The following ADAMTS8 variants were observed in gnomAD, a reference collection of about 807,000 sequenced individuals.
ADAMTS8 encodes A disintegrin and metalloproteinase with thrombospondin motifs 8.
In ADAMTS8, 50 loss-of-function variants were observed where a neutral mutation model predicts 64.4. That is an observed-to-expected ratio of 0.78 (90% CI 0.62 to 0.98). The LOEUF is 0.98. Ranked by LOEUF, ADAMTS8 falls within the 50% of genes least tolerant of loss-of-function variation. The pLI, the probability that ADAMTS8 is intolerant of heterozygous loss-of-function variation, is 0.00. For missense variants in ADAMTS8, 1,192 were observed against 1,208.2 expected, an observed-to-expected ratio of 0.99 and a Z score of 0.20; for synonymous variants, 556 against 533.6, an observed-to-expected ratio of 1.04 and a Z score of -0.58.
In ADAMTS8 at chr11:130,405,164, C is replaced by A; in HGVS notation, c.*394G>T. The stretch of plus-strand genomic sequence containing the variant: ...CTCCCTGCCCCACGCCTCTCTTGTA[C>A]TAATTTTTTCCCCTGTGAGGTAGAT... On this transcript the variant is annotated 3_prime_UTR_variant, in exon 9 of 9. Coordinates refer to ENST00000257359, the MANE Select transcript of ADAMTS8 (RefSeq NM_007037.6). 9.9e-7 allele frequency: 1 copy of A among 1,005,940 alleles called. No homozygotes were observed. Among genetic ancestry groups the A allele is most frequent in the Non-Finnish European group, 1.2e-6 (1 of 843,134 alleles). 62.3% of individuals were successfully genotyped at this position (1,005,940 alleles called of 1,614,324 possible).
chr11:130,427,696 G>T lies in ADAMTS8; in HGVS notation c.591C>A (p.Gly197=). 1 of 1,595,254 alleles carries T rather than the reference G, an allele frequency of 6.3e-7. No individual in the cohort carries two copies. Among genetic ancestry groups the T allele is most frequent in the Admixed American group, 1.7e-5 (1 of 58,194 alleles). The change falls in exon 1 of 9, where the codon GGC becomes GGA. Residue 197 remains glycine, a synonymous_variant. Transcript: ENST00000257359. Reference sequence around the variant, plus strand: ...CCAGGGGCGGTGGCGGCTCGCTAGCGCCTTCTGCCTCCTCTTCTTGGCTCT... The same window carrying T: ...CCAGGGGCGGTGGCGGCTCGCTAGCTCCTTCTGCCTCCTCTTCTTGGCTCT... ...EEESQEEEAE[G]ASEPPPPLGA...
At chr11:130,408,966 A>G (rs1439985884) in intron 6 of ADAMTS8, 26 bp from the exon 7 acceptor site, 1 of 1,511,806 alleles carries the variant, frequency 6.6e-7, no homozygotes, top group Non-Finnish European at 8.8e-7. Context: ...AACGGCATGG[A>G]GGTGACACCC....
chr11:130,407,480 G>GACACAC (rs771447121), intron 8 of ADAMTS8, among the ~76,000 whole-genome samples: 1 of 151,922 alleles, frequency 6.6e-6, no homozygotes, highest in African/African-American at 2.4e-5. Context: ...CAGACAGACA[G>GACACAC]ACAGACACAC....
Position 130,406,122 on chromosome 11 carries a change from G to T in ADAMTS8, c.2106C>A (p.Gly702=). The part of the protein sequence containing the change: ...VSGSLTPTNY[G]YNDIVTIPAG... ...CTGGGATGGTGACAATGTCATTGTA[G>T]CCATAACTGTGATAGAAACAGAAGG... The change falls in exon 9 of 9, where the codon GGC becomes GGA. Residue 702 remains glycine, a synonymous_variant. Coordinates refer to ENST00000257359, the MANE Select transcript of ADAMTS8 (RefSeq NM_007037.6). The T allele has an allele frequency of 6.2e-7, 1 of 1,605,712 alleles. No homozygotes were observed. Among genetic ancestry groups the T allele is most frequent in the Middle Eastern group, 1.7e-4 (1 of 6,056 alleles).
chr11:130,424,665 G>A (rs1439158379), intron 1 of ADAMTS8, among the ~76,000 whole-genome samples: 1 of 152,214 alleles, frequency 6.6e-6, no homozygotes, highest in Non-Finnish European at 1.5e-5. Flanking sequence ...CCAAGGTCTT[G>A]AGGCACGGGA....
chr11:130,406,273 C>T, intron 8 of ADAMTS8, 145 bp from the exon 9 acceptor site: 1 of 1,023,674 alleles, frequency 9.8e-7, no homozygotes, highest in Non-Finnish European at 1.4e-6. Flanking sequence ...TCAAAGTTCT[C>T]AATAAATTAG....
chr11:130,408,737 C>A (rs1378381967), intron 7 of ADAMTS8, 31 bp downstream of exon 7: 2 of 1,613,490 alleles, frequency 1.2e-6, no homozygotes, highest in Non-Finnish European at 1.7e-6. Context: ...TCCTCCCCAT[C>A]TCTGGATCTG....
At chr11:130,427,188 G>T (rs1337002178) in intron 1 of ADAMTS8, among the ~76,000 whole-genome samples, 1 of 152,248 alleles carries the variant, frequency 6.6e-6, no homozygotes, top group African/African-American at 2.4e-5. Context: ...GGAGCTATTC[G>T]TAAACGCTCA....
chr11:130,408,609 T>A lies in ADAMTS8; in HGVS notation c.1954A>T (p.Thr652Ser). The change falls in exon 8 of 9, where the codon ACA becomes TCA. Residue 652 changes from threonine (T) to serine (S), a missense_variant. Transcript: ENST00000257359. ...VIDGTLCGPE[T>S]LAICVRGQCV... Reference sequence around the variant, plus strand: ...TGGCCACGGACACAGATGGCCAGTGTTTCTGGCCCACACAGGGTGCCATCA... The same window carrying A: ...TGGCCACGGACACAGATGGCCAGTGATTCTGGCCCACACAGGGTGCCATCA... 6.2e-7 allele frequency: 1 copy of A among 1,614,128 alleles called. No individual in the cohort carries two copies. Among genetic ancestry groups the A allele is most frequent in the Non-Finnish European group, 8.5e-7 (1 of 1,180,018 alleles).
Position 130,422,115 on chromosome 11 carries a change from C to T in ADAMTS8, c.721-2823G>A, listed in dbSNP as rs535582248. The stretch of plus-strand genomic sequence containing the variant: ...GGCGGCACTTTTTAGGGAGTCTGCT[C>T]GTGCATGAGTGACCCCAGGACCTGG... On this transcript the variant is annotated intron_variant, in intron 1 of 8. Coordinates refer to ENST00000257359, the MANE Select transcript of ADAMTS8 (RefSeq NM_007037.6). Among the ~76,000 whole-genome samples, 138 of 152,242 alleles carry T rather than the reference C, an allele frequency of 9.1e-4. 4 individuals carry two copies. The South Asian group carries it at 0.013, about 14-fold the overall frequency.
Position 130,411,803 on chromosome 11 carries a change from T to A in ADAMTS8, c.1567-203A>T. ...AGCACAGAGACCAGGCTGGACTCAT[T>A]CACTACTGACTCCTCAGTGTCTAAA... On this transcript the variant is annotated intron_variant, in intron 5 of 8. Transcript: ENST00000257359. This position sits in a 1 kb window ranked among gnomAD's most constrained non-coding sequence, Gnocchi z 4.2. The A allele has an allele frequency of 3.3e-6, 2 of 606,028 alleles. No homozygotes were observed. The highest frequency in any genetic ancestry group is 5.8e-6 in the Non-Finnish European group (2 of 345,606). 37.5% of individuals were successfully genotyped at this position (606,028 alleles called of 1,614,324 possible). A position where few individuals can be genotyped will look rare whatever the true frequency, so the allele number is the denominator to read the frequency against.
intron 8 of ADAMTS8, among the ~76,000 whole-genome samples, chr11:130,407,450 A>G (rs1406889726): frequency 1.3e-5 from 2 of 152,166 alleles, no homozygotes; most frequent in Non-Finnish European, 2.9e-5. Flanking sequence ...GACTGGTGAG[A>G]TGAGAGATGT....
In ADAMTS8 at chr11:130,406,038, C is replaced by T; in HGVS notation, c.2190G>A (p.Gly730=). The T allele has an allele frequency of 1.9e-6, 3 of 1,614,166 alleles. No individual in the cohort carries two copies. The highest frequency in any genetic ancestry group is 1.7e-6 in the Non-Finnish European group (2 of 1,180,038). ...QRSHPGVQND[G]NYLALKTADG... is the part of the protein sequence containing the mutation. ...CAGCCGTCTTCAGCGCCAGGTAGTT[C>T]CCATCGTTCTGCACACCCGGGTGGC... Residue 730 remains glycine (G), a synonymous_variant, in exon 9 of 9, where the codon GGG becomes GGA. Transcript: ENST00000257359.
At chr11:130,426,120 T>C (rs952301320) in intron 1 of ADAMTS8, among the ~76,000 whole-genome samples, 1 of 152,224 alleles carries the variant, frequency 6.6e-6, no homozygotes, top group African/African-American at 2.4e-5. Flanking sequence ...TCTGCCCTGC[T>C]TTTGGGGAAG....
In ADAMTS8 at chr11:130,408,948, G is replaced by A; in HGVS notation, c.1751-8C>T. On this transcript the variant is annotated splice_region_variant and splice_polypyrimidine_tract_variant and intron_variant, in intron 6 of 8. Transcript: ENST00000257359. ...GCTCCCTGAAGCTTTTCCCTAGAAA[G>A]AGGAAGAAACGGCATGGAGGTGACA... 1 of 1,523,962 alleles carries A rather than the reference G, an allele frequency of 6.6e-7. No homozygotes were observed. The highest frequency in any genetic ancestry group is 1.3e-5 in the South Asian group (1 of 76,832). 94.4% of individuals were successfully genotyped at this position (1,523,962 alleles called of 1,614,324 possible).
chr11:130,427,654 G>A lies in ADAMTS8; in HGVS notation c.633C>T (p.Thr211=). The A allele has an allele frequency of 2.5e-6, 4 of 1,590,918 alleles. No homozygotes were observed. The highest frequency in any genetic ancestry group is 3.4e-6 in the Non-Finnish European group (4 of 1,170,902). ...AGCGCGCCTCAGACACAAACCGCTTGGTCCTACTCGTGGCCCCCAGGGGCG... is the reference window on the plus strand; with the variant it reads ...AGCGCGCCTCAGACACAAACCGCTTAGTCCTACTCGTGGCCCCCAGGGGCG... The part of the protein sequence containing the change: ...PPPPLGATSR[T]KRFVSEARFV... Residue 211 remains threonine, a synonymous_variant, in exon 1 of 9, where the codon ACC becomes ACT. Transcript: ENST00000257359.
intron 5 of ADAMTS8, among the ~76,000 whole-genome samples, chr11:130,413,094 C>T (rs985731035): frequency 1.3e-5 from 2 of 152,312 alleles, no homozygotes; most frequent in Non-Finnish European, 2.9e-5. Flanking sequence ...TGGTCTCGAA[C>T]TCCTGACCTC....
intron 5 of ADAMTS8, among the ~76,000 whole-genome samples, chr11:130,413,030 T>G (rs906906666): frequency 6.6e-6 from 1 of 151,974 alleles, no homozygotes; most frequent in South Asian, 2.1e-4. Flanking sequence ...GCCACCACAC[T>G]TGGCTAATTG....
In ADAMTS8 at chr11:130,405,648, C is replaced by T; in HGVS notation, c.2580G>A (p.Arg860=). The T allele has an allele frequency of 6.2e-7, 1 of 1,614,086 alleles. No individual in the cohort carries two copies. The highest frequency in any genetic ancestry group is 8.5e-7 in the Non-Finnish European group (1 of 1,180,024). ...AGWQRRTVEC[R]DPSGQASATC... is the part of the protein sequence containing the mutation. The stretch of plus-strand genomic sequence containing the variant: ...TGGCAGAGGCCTGGCCGGAGGGGTC[C>T]CTGCACTCTACAGTTCGCCTCTGCC... Residue 860 remains arginine (R), a synonymous_variant, in exon 9 of 9, where the codon AGG becomes AGA. Coordinates refer to ENST00000257359, the MANE Select transcript of ADAMTS8 (RefSeq NM_007037.6).
Sources: allele counts gnomAD v4.1 joint callset (sites outside exome capture counted in the v4.1 genomes callset), GRCh38; gene constraint gnomAD v4.1.1; non-coding constraint Gnocchi (gnomAD v3.1); transcripts MANE v1.5; gene names NCBI Gene and HGNC (gene_info 2026-07-23, HGNC 2026-07-21).